Variants in SLC13A3 observed in about 807,000 individuals in gnomAD.
SLC13A3 encodes the protein Na(+)/dicarboxylate cotransporter 3.
In SLC13A3, 40 loss-of-function variants were observed where a neutral mutation model predicts 59.0. That is an observed-to-expected ratio of 0.68 (90% CI 0.53 to 0.88). The LOEUF (loss-of-function observed/expected upper bound fraction) is 0.88, where lower values mean the gene tolerates loss of function less well. Ranked by LOEUF, SLC13A3 falls within the 40% of genes least tolerant of loss-of-function variation. The pLI is 0.00. For missense variants in SLC13A3, 699 were observed against 783.2 expected (o/e 0.89, Z 1.28); for synonymous variants, 317 against 330.3 (o/e 0.96, Z 0.44).
intron 12 of SLC13A3, among the ~76,000 whole-genome samples, chr20:46,562,006 G>T (rs906869526): frequency 2.0e-5 from 3 of 152,196 alleles, no homozygotes; most frequent in African/African-American, 7.2e-5. Flanking sequence ...TCTCTTGCAA[G>T]TCTCTACCTC....
intron 9 of SLC13A3, chr20:46,582,608 A>AG (rs1292811831): frequency 1.0e-6 from 1 of 983,428 alleles, no homozygotes; most frequent in African/African-American, 1.8e-5. Flanking sequence ...ATTAAAAAAA[A>AG]AAGAAGAAGA....
intron 7 of SLC13A3, among the ~76,000 whole-genome samples, chr20:46,588,732 G>T (rs1444862239): frequency 6.6e-6 from 1 of 152,174 alleles, no homozygotes. Context: ...GCAGGGCCCA[G>T]AGAGGGTTAG....
chr20:46,679,447 T>C lies in SLC13A3; in HGVS notation c.-31+4949A>G, dbSNP rs557322106. ...GGCTAACACGGTGAAACCCCGTCTCTACTAAAAAATACAAAAATTCGCCGG... is the reference window on the plus strand; with the variant it reads ...GGCTAACACGGTGAAACCCCGTCTCCACTAAAAAATACAAAAATTCGCCGG... On this transcript the variant is annotated intron_variant, in intron 1 of 6. Transcript: ENST00000372121. Among the ~76,000 whole-genome samples, 32 of 152,178 alleles carry C rather than the reference T, an allele frequency of 2.1e-4. 1 individual carries two copies. In the East Asian group the frequency reaches 6.0e-3, roughly 28 times the overall value.
At chr20:46,608,671 T>C in intron 3 of SLC13A3, 1 of 514,064 alleles carries the variant, frequency 1.9e-6, no homozygotes, top group Non-Finnish European at 3.3e-6. Flanking sequence ...CTCATGTGAC[T>C]GTCAGTGAGA....
chr20:46,651,339 A>G lies in SLC13A3; in HGVS notation c.83T>C (p.Leu28Pro), dbSNP rs1293672612. The stretch of plus-strand genomic sequence containing the variant: ...GGGCGGGAGGGCGAAGACCACCGGC[A>G]GCAGCGCGAGCGGCGTGAACAGCAG... ...LVLLFTPLALLPVVFALPPKE... is the reference protein window; with the variant it reads ...LVLLFTPLALPPVVFALPPKE... The change falls in exon 1 of 13, where the codon CTG becomes CCG. Residue 28 changes from leucine to proline, a missense_variant. By Grantham distance (98) the Leu-to-Pro change is moderately conservative (BLOSUM62 -3). Coordinates refer to ENST00000279027, the MANE Select transcript of SLC13A3 (RefSeq NM_022829.6). The G allele has an allele frequency of 6.6e-7, 1 of 1,515,144 alleles. No individual in the cohort carries two copies. Among genetic ancestry groups the G allele is most frequent in the Non-Finnish European group, 8.8e-7 (1 of 1,133,714 alleles). The allele number at this position is 1,515,144 out of a possible 1,614,324, so 93.9% of individuals were successfully genotyped here.
At chr20:46,588,232 A>C in intron 7 of SLC13A3, 69 bp from the exon 8 acceptor site, 3 of 936,014 alleles carry the variant, frequency 3.2e-6, no homozygotes, top group Non-Finnish European at 5.0e-6. Context: ...GCACAGGCTC[A>C]GGCAGCTGCC....
Position 46,592,389 on chromosome 20 carries a change from G to A in SLC13A3, c.920+15C>T. On this transcript the variant is annotated intron_variant, in intron 6 of 12. Transcript: ENST00000279027. ...TGCTTCCCCACTCTATTGCCAAAAAGAAAATGAGAGGTACCTGAAGCTCAG... is the reference window on the plus strand; with the variant it reads ...TGCTTCCCCACTCTATTGCCAAAAAAAAAATGAGAGGTACCTGAAGCTCAG... 6.2e-7 allele frequency: 1 copy of A among 1,613,478 alleles called. No homozygotes were observed. Among genetic ancestry groups the A allele is most frequent in the Non-Finnish European group, 8.5e-7 (1 of 1,179,692 alleles).
upstream of SLC13A3, among the ~76,000 whole-genome samples, chr20:46,656,116 T>C (rs36178234): frequency 7.1e-6 from 1 of 141,526 alleles, no homozygotes; most frequent in Non-Finnish European, 1.5e-5. Flanking sequence ...TATTATACTG[T>C]ATATAATATA....
intron 3 of SLC13A3, among the ~76,000 whole-genome samples, chr20:46,602,525 C>T (rs2062389566): frequency 6.6e-6 from 1 of 151,996 alleles, no homozygotes; most frequent in African/African-American, 2.4e-5. Flanking sequence ...CCAAACACAT[C>T]AGCCTTGGGT....
intron 9 of SLC13A3, among the ~76,000 whole-genome samples, chr20:46,576,130 G>A (rs942956762): frequency 1.3e-5 from 2 of 151,980 alleles, no homozygotes; most frequent in Non-Finnish European, 2.9e-5. Flanking sequence ...CTCGCAAGTG[G>A]CAGCGCTGCA....
At chr20:46,650,444 A>T (rs1291251510) in intron 1 of SLC13A3, among the ~76,000 whole-genome samples, 2 of 152,192 alleles carry the variant, frequency 1.3e-5, no homozygotes, top group Non-Finnish European at 2.9e-5. Context: ...ACAAAAGGCA[A>T]ATCCTCACCC....
intron 1 of SLC13A3, among the ~76,000 whole-genome samples, chr20:46,669,324 G>T (rs990846350): frequency 3.3e-5 from 5 of 151,854 alleles, no homozygotes; most frequent in Non-Finnish European, 7.4e-5. Context: ...AGAGAGACAG[G>T]TCGAGTCCTT....
intron 10 of SLC13A3, 90 bp downstream of exon 10, chr20:46,575,483 G>A (rs771042273): frequency 2.9e-6 from 2 of 685,772 alleles, no homozygotes; most frequent in Non-Finnish European, 4.8e-6. Flanking sequence ...CAGCTCACCT[G>A]CTCTGATCCT....
intron 1 of SLC13A3, among the ~76,000 whole-genome samples, chr20:46,635,085 G>T (rs2062782836): frequency 6.6e-6 from 1 of 152,160 alleles, no homozygotes; most frequent in South Asian, 2.1e-4. Flanking sequence ...GGGGACCAAG[G>T]ATCAGTCTCC....
intron 9 of SLC13A3, among the ~76,000 whole-genome samples, chr20:46,578,708 T>C (rs2062103441): frequency 6.6e-6 from 1 of 151,994 alleles, no homozygotes; most frequent in Non-Finnish European, 1.5e-5. Context: ...AGAAATTTCA[T>C]GTGCTATGAA....
At chr20:46,674,074 C>T (rs773911371), upstream of SLC13A3, among the ~76,000 whole-genome samples, 1 of 152,138 alleles carries the variant, frequency 6.6e-6, no homozygotes, top group Non-Finnish European at 1.5e-5. Flanking sequence ...ATAAGGTAGG[C>T]AGTGGGAGAG....
intron 1 of SLC13A3, among the ~76,000 whole-genome samples, chr20:46,664,738 G>T (rs971976356): frequency 1.3e-5 from 2 of 152,152 alleles, no homozygotes; most frequent in Non-Finnish European, 2.9e-5. Flanking sequence ...AAGGTGGTCA[G>T]GGAAGCTGTC....
intron 1 of SLC13A3, among the ~76,000 whole-genome samples, chr20:46,616,536 G>A (rs947540650): frequency 1.1e-4 from 16 of 152,302 alleles, no homozygotes; most frequent in African/African-American, 3.8e-4. Context: ...GCCGTTTCCA[G>A]AACCCCAAAG....
At chr20:46,568,738 G>C (rs1296401344) in intron 10 of SLC13A3, among the ~76,000 whole-genome samples, 1 of 152,150 alleles carries the variant, frequency 6.6e-6, no homozygotes, top group South Asian at 2.1e-4. Flanking sequence ...AGCTCTGTGC[G>C]CAATTAAAGG....
Sources: gnomAD v4.1 joint callset for allele counts (sites outside exome capture counted in the v4.1 genomes callset) on GRCh38, gnomAD v4.1.1 for gene constraint, MANE v1.5 for transcripts, NCBI Gene and HGNC (gene_info 2026-07-23, HGNC 2026-07-21) for gene names.